Variants in KCNAB2 observed in about 807,000 individuals in gnomAD.
KCNAB2 encodes the protein potassium voltage-gated channel subfamily A regulatory beta subunit 2.
KCNAB2 carries 29 observed loss-of-function variants against 63.6 expected under a neutral mutation model. That is an observed-to-expected ratio of 0.46 (90% CI 0.34 to 0.62). The LOEUF is 0.62. Ranked by LOEUF, KCNAB2 falls within the 20% of genes least tolerant of loss-of-function variation. The pLI, the probability that KCNAB2 is intolerant of heterozygous loss-of-function variation, is 0.01. For missense variants in KCNAB2, 359 were observed against 563.9 expected (o/e 0.64, Z 3.68); for synonymous variants, 222 against 224.2 (o/e 0.99, Z 0.09).
chr1:6,096,768 G>T lies in KCNAB2; in HGVS notation c.1069+12G>T. ...CCAGCTGGCCATAGGTAACGGTGGG[G>T]TCGCCATGGGGCCAGTGCCCCTGGG... On this transcript the variant is annotated intron_variant, in intron 14 of 15. Coordinates refer to ENST00000378083, the MANE Select transcript of KCNAB2 (RefSeq NM_001199862.2). The surrounding 1 kb of genome is among the most constrained non-coding windows in gnomAD (Gnocchi z 5.9). The T allele has an allele frequency of 4.5e-6, 7 of 1,562,046 alleles. No homozygotes were observed. Among genetic ancestry groups the T allele is most frequent in the Non-Finnish European group, 6.1e-6 (7 of 1,151,820 alleles).
At chr1:6,097,623 G>C (rs762785330) in intron 15 of KCNAB2, 26 of 618,116 alleles carry the variant, frequency 4.2e-5, no homozygotes, top group Non-Finnish European at 6.5e-5. Context: ...AGGGAGCTGG[G>C]GCCAGGGACG....
At position 6,098,644 on chromosome 1, in the gene KCNAB2, T is replaced by C; in HGVS notation, c.*70T>C. The C allele has an allele frequency of 6.4e-7, 1 of 1,564,464 alleles. No homozygotes were observed. The highest frequency in any genetic ancestry group is 8.7e-7 in the Non-Finnish European group (1 of 1,149,800). ...TCTCTGTTCGCTCGCTTAAGCTGTT[T>C]TGAAGCCAAGTGAAGAGTGTGGTTT... On this transcript the variant is annotated 3_prime_UTR_variant, in exon 16 of 16. Transcript: ENST00000378083.
At chr1:6,030,504 ATG>A (rs1659512855), upstream of KCNAB2, among the ~76,000 whole-genome samples, 2 of 148,900 alleles carry the variant, frequency 1.3e-5, no homozygotes, top group Non-Finnish European at 3.0e-5. Flanking sequence ...CATTGTGTAT[ATG>A]TGTTATGTAT....
chr1:6,041,311 A>G, upstream of KCNAB2: 1 of 168,442 alleles, frequency 5.9e-6, no homozygotes, highest in East Asian at 1.7e-4. Context: ...GCAGCCCATC[A>G]GTCTTGGGAA....
At position 6,069,793 on chromosome 1, in the gene KCNAB2, C is replaced by T. The variant is rs1004500384; in HGVS notation, c.219-2962C>T. Reference sequence around the variant, plus strand: ...CTGGCAGCGGATGGCAGAACCAATACCATCATTTTCACAGGGAAACAAGTT... The same window carrying T: ...CTGGCAGCGGATGGCAGAACCAATATCATCATTTTCACAGGGAAACAAGTT... On this transcript the variant is annotated intron_variant, in intron 2 of 15. Coordinates refer to ENST00000378083, the MANE Select transcript of KCNAB2 (RefSeq NM_001199862.2). The surrounding 1 kb of genome is among the most constrained non-coding windows in gnomAD (Gnocchi z 5.4). 1.3e-5 allele frequency among the ~76,000 whole-genome samples: 2 copies of T among 152,182 alleles called. No homozygotes were observed. Among genetic ancestry groups the T allele is most frequent in the Non-Finnish European group, 2.9e-5 (2 of 68,024 alleles).
chr1:6,072,858 G>T (rs1320596777), intron 3 of KCNAB2, 60 bp downstream of exon 3: 3 of 1,521,046 alleles, frequency 2.0e-6, no homozygotes, highest in Non-Finnish European at 2.7e-6. Flanking sequence ...GGCCGGGCAT[G>T]GACTGAACTG....
chr1:6,065,746 G>C (rs1043798484), intron 2 of KCNAB2, among the ~76,000 whole-genome samples: 1 of 152,138 alleles, frequency 6.6e-6, no homozygotes, highest in Non-Finnish European at 1.5e-5. Flanking sequence ...GCTGGTTGAG[G>C]GTGGGGACAG....
intron 1 of KCNAB2, among the ~76,000 whole-genome samples, chr1:6,005,929 C>G (rs1243372982): frequency 9.0e-6 from 1 of 110,994 alleles, no homozygotes; most frequent in Non-Finnish European, 1.8e-5. Context: ...CATCCCCCCA[C>G]TCCACCCTCA....
chr1:6,007,864 G>T (rs1657918938), intron 1 of KCNAB2, among the ~76,000 whole-genome samples: 1 of 152,198 alleles, frequency 6.6e-6, no homozygotes, highest in South Asian at 2.1e-4. Context: ...AGATGCAGAG[G>T]CTCCTTCTCT....
chr1:6,080,626 T>C (rs7513468), intron 4 of KCNAB2, among the ~76,000 whole-genome samples: 44,163 of 152,032 alleles, frequency 0.29, 6,744 homozygotes, highest in African/African-American at 0.34. Context: ...TGAGTGCCAG[T>C]GTCGCCAGGC....
rs1663925941 is a variant in KCNAB2, at chr1:6,078,780, C to T, written c.301-3415C>T. Among the ~76,000 whole-genome samples, 1 of 152,138 alleles carries T rather than the reference C, an allele frequency of 6.6e-6. No homozygotes were observed. ...GATGTCCCAGAGTTCAGCGTGTGCA[C>T]GATCCCATGTACTCGGAAGGCACAT... On this transcript the variant is annotated intron_variant, in intron 4 of 15. Coordinates refer to ENST00000378083, the MANE Select transcript of KCNAB2 (RefSeq NM_001199862.2). This position sits in a 1 kb window ranked among gnomAD's most constrained non-coding sequence, Gnocchi z 4.2.
rs1394670673 is a variant in KCNAB2, at chr1:6,035,731, T to A, written c.-53+937T>A. Among the ~76,000 whole-genome samples the A allele has an allele frequency of 3.4e-5, 5 of 148,920 alleles. No individual in the cohort carries two copies. The highest frequency in any genetic ancestry group is 1.2e-4 in the African/African-American group (5 of 40,030). On this transcript the variant is annotated intron_variant, in intron 1 of 15. Coordinates refer to the KCNAB2 transcript ENST00000164247. This position sits in a 1 kb window ranked among gnomAD's most constrained non-coding sequence, Gnocchi z 5.0. ...ATAGCTGAGCCACACAGGCAGGAAATAAACAGCTCTGGGGTTCAGGGGAGT... is the reference window on the plus strand; with the variant it reads ...ATAGCTGAGCCACACAGGCAGGAAAAAAACAGCTCTGGGGTTCAGGGGAGT...
In KCNAB2 at chr1:6,082,230, T is replaced by C; in HGVS notation, c.336T>C (p.Asn112=). 1 of 1,613,920 alleles carries C rather than the reference T, an allele frequency of 6.2e-7. No homozygotes were observed. The highest frequency in any genetic ancestry group is 8.5e-7 in the Non-Finnish European group (1 of 1,179,822). ...AGCTCATGACCTTGGCCTATGATAA[T>C]GGCATCAACCTCTTCGATACAGCAG... The part of the protein sequence containing the change: ...AEQLMTLAYD[N]GINLFDTAEV... Residue 112 remains asparagine, a synonymous_variant, in exon 5 of 16, where the codon AAT becomes AAC. Coordinates refer to ENST00000378083, the MANE Select transcript of KCNAB2 (RefSeq NM_001199862.2).
chr1:6,080,392 G>C (rs1406909047), intron 4 of KCNAB2, among the ~76,000 whole-genome samples: 1 of 152,182 alleles, frequency 6.6e-6, no homozygotes, highest in African/African-American at 2.4e-5. Context: ...AGGCTGGGGG[G>C]GCAGCAGCAG....
Position 6,099,532 on chromosome 1 carries a change from C to G in KCNAB2, c.*958C>G, listed in dbSNP as rs568073130. The G allele has an allele frequency of 2.6e-6, 1 of 390,612 alleles. No homozygotes were observed. Among genetic ancestry groups the G allele is most frequent in the East Asian group, 4.1e-5 (1 of 24,166 alleles). 24.2% of individuals were successfully genotyped at this position (390,612 alleles called of 1,614,324 possible). A position where few individuals can be genotyped will look rare whatever the true frequency, so the allele number is the denominator to read the frequency against. On this transcript the variant is annotated 3_prime_UTR_variant, in exon 16 of 16. Coordinates refer to ENST00000378083, the MANE Select transcript of KCNAB2 (RefSeq NM_001199862.2). ...CACCACGGCAAGTGGCAGCAGGGGCCGGCCCTGTGCACAAGGATGCACTCC... is the reference window on the plus strand; with the variant it reads ...CACCACGGCAAGTGGCAGCAGGGGCGGGCCCTGTGCACAAGGATGCACTCC...
At chr1:6,083,656 G>A (rs1276039927) in intron 5 of KCNAB2, among the ~76,000 whole-genome samples, 5 of 152,180 alleles carry the variant, frequency 3.3e-5, no homozygotes, top group Non-Finnish European at 5.9e-5. Context: ...CCCGGTGGAC[G>A]CCCATCAGTG....
rs1665655858 is a variant in KCNAB2 at position 6,096,560 on chromosome 1, A to C, written c.949-76A>C. 5.3e-6 allele frequency: 8 copies of C among 1,522,060 alleles called. No homozygotes were observed. Among genetic ancestry groups the C allele is most frequent in the African/African-American group, 1.4e-5 (1 of 73,104 alleles). The allele number at this position is 1,522,060 out of a possible 1,614,324, so 94.3% of individuals were successfully genotyped here. A position where few individuals can be genotyped will look rare whatever the true frequency, so the allele number is the denominator to read the frequency against. ...AGAAGGGTCCAGAAGGAATGAGCCC[A>C]TCGGCCCCCTGCACGTGGGGGTCCA... On this transcript the variant is annotated intron_variant, in intron 13 of 15. Coordinates refer to ENST00000378083, the MANE Select transcript of KCNAB2 (RefSeq NM_001199862.2). This position sits in a 1 kb window ranked among gnomAD's most constrained non-coding sequence, Gnocchi z 5.9.
chr1:6,084,458 AC>A (rs1310564589), intron 5 of KCNAB2, among the ~76,000 whole-genome samples: 6 of 152,238 alleles, frequency 3.9e-5, no homozygotes, highest in African/African-American at 1.4e-4. Context: ...CCAGCCCTTG[AC>A]CCTGAGTACA....
intron 2 of KCNAB2, chr1:6,040,649 A>T: frequency 6.2e-7 from 1 of 1,605,660 alleles, no homozygotes; most frequent in Non-Finnish European, 8.5e-7. Flanking sequence ...TCTACAGGTG[A>T]CCCCCTGCCC....
Sources: gnomAD v4.1 joint callset for allele counts (sites outside exome capture counted in the v4.1 genomes callset) on GRCh38, gnomAD v4.1.1 for gene constraint, Gnocchi (gnomAD v3.1) non-coding constraint, MANE v1.5 for transcripts, NCBI Gene and HGNC (gene_info 2026-07-23, HGNC 2026-07-21) for gene names.